The following TIMELESS variants were observed in gnomAD, a reference collection of about 807,000 sequenced individuals.
The protein encoded by TIMELESS is timeless circadian regulator.
A neutral mutation model predicts 164.3 loss-of-function variants in TIMELESS; 124 were observed. The observed-to-expected ratio is 0.75, with a 90% CI of 0.65 to 0.88. The LOEUF is 0.88. TIMELESS is among the 40% of genes least tolerant of loss of function. The pLI is 0.00. For missense variants in TIMELESS, 1,422 were observed against 1,491.4 expected (o/e 0.95, Z 0.77); for synonymous variants, 564 against 563.4 (o/e 1.00, Z -0.02).
Position 56,431,610 on chromosome 12 carries a change from T to G in TIMELESS, c.688-6A>C. ...CCCGCCAGCTGCTCGGGGTTCTAGA[T>G]TGGAACAAAGAGGGAAGAATCAGGA... On this transcript the variant is annotated splice_polypyrimidine_tract_variant and splice_region_variant and intron_variant, in intron 7 of 28. Transcript: ENST00000553532. 3 of 1,609,030 alleles carry G rather than the reference T, an allele frequency of 1.9e-6. No individual in the cohort carries two copies. Among genetic ancestry groups the G allele is most frequent in the Non-Finnish European group, 2.5e-6 (3 of 1,178,810 alleles).
chr12:56,448,320 C>G (rs1868415255), intron 1 of TIMELESS, among the ~76,000 whole-genome samples: 1 of 151,928 alleles, frequency 6.6e-6, no homozygotes. Flanking sequence ...GCAGGAGAAT[C>G]GCTTGAACTG....
Position 56,421,441 on chromosome 12 carries a change from T to G in TIMELESS, c.2778A>C (p.Arg926=), listed in dbSNP as rs368351433. 42 of 1,613,934 alleles carry G rather than the reference T, an allele frequency of 2.6e-5. No individual in the cohort carries two copies. In the East Asian group the frequency reaches 3.3e-4, roughly 13 times the overall value. Residue 926 remains arginine, a synonymous_variant, in exon 23 of 29, where the codon CGA becomes CGC. Transcript: ENST00000553532. The part of the protein sequence containing the change: ...KNITAKRSRA[R]IVDKLLALGL... ...CCAGAGCCAAGAGTTTATCCACTAT[T>G]CGGGCCCGTGAGCGTTTGGCTGTGA...
intron 26 of TIMELESS, among the ~76,000 whole-genome samples, chr12:56,420,365 T>C (rs1169145341): frequency 6.6e-6 from 1 of 151,844 alleles, no homozygotes; most frequent in Non-Finnish European, 1.5e-5. Flanking sequence ...AAGATGGATC[T>C]AGGGGAAGGG....
chr12:56,417,847 C>A (rs374286392), intron 28 of TIMELESS, 60 bp downstream of exon 28: 1 of 1,613,492 alleles, frequency 6.2e-7, no homozygotes, highest in South Asian at 1.1e-5. Flanking sequence ...GGGGTAAGGA[C>A]GTGGTAGAGT....
rs1041979545 is a variant in TIMELESS at position 56,430,230 on chromosome 12, G to A, written c.961C>T (p.Arg321Cys). ...LGKQPKKVPK[R>C]RQAARELSIQ... is the part of the protein sequence containing the mutation. ...GACAGCTCTCGGGCGGCCTGGCGAC[G>A]TTTAGGCACCTTTTTCGGCTGCTTT... Residue 321 changes from arginine (R) to cysteine (C), a missense_variant, in exon 10 of 29, where the codon CGT becomes TGT. Physicochemically the swap from Arg to Cys is radical, Grantham distance 180. Transcript: ENST00000553532. 1.1e-5 allele frequency: 17 copies of A among 1,613,858 alleles called. No homozygotes were observed. In the East Asian group the frequency reaches 1.3e-4, roughly 13 times the overall value.
intron 1 of TIMELESS, among the ~76,000 whole-genome samples, chr12:56,434,938 C>T (rs1217048112): frequency 2.0e-5 from 3 of 152,072 alleles, no homozygotes; most frequent in Non-Finnish European, 1.5e-5. Flanking sequence ...CTCGGGAGGC[C>T]GGCTGAGATG....
At position 56,420,029 on chromosome 12, in the gene TIMELESS, A is replaced by AT. The variant is rs1322497995; in HGVS notation, c.3228+539_3228+540insA. Among the ~76,000 whole-genome samples, 187 of 75,172 alleles carry AT rather than the reference A, an allele frequency of 2.5e-3. 2 individuals carry two copies. Among genetic ancestry groups the AT allele is most frequent in the African/African-American group, 0.01 (152 of 14,934 alleles). 49.3% of individuals were successfully genotyped at this position (75,172 alleles called of 152,430 possible). A position where few individuals can be genotyped will look rare whatever the true frequency, so the allele number is the denominator to read the frequency against. On this transcript the variant is annotated intron_variant, in intron 26 of 28. Transcript: ENST00000553532. ...CTCAAAAAAAAAAAAAAAAAAAAAA[A>AT]ATATATATATATATATATATGTGTG...
At chr12:56,426,839 C>A (rs1443478909) in intron 13 of TIMELESS, among the ~76,000 whole-genome samples, 2 of 152,164 alleles carry the variant, frequency 1.3e-5, no homozygotes, top group Non-Finnish European at 2.9e-5. Context: ...GGATTACAGG[C>A]ATGAGCCACC....
At chr12:56,430,661 C>A (rs1162847522) in intron 9 of TIMELESS, among the ~76,000 whole-genome samples, 1 of 152,030 alleles carries the variant, frequency 6.6e-6, no homozygotes, top group Non-Finnish European at 1.5e-5. Flanking sequence ...GCCATTGTAC[C>A]CAACCTTTAA....
chr12:56,432,861 A>T (rs1417861772), intron 6 of TIMELESS, among the ~76,000 whole-genome samples, 165 bp downstream of exon 6: 1 of 147,480 alleles, frequency 6.8e-6, no homozygotes, highest in Non-Finnish European at 1.5e-5. Flanking sequence ...AGGCTGAGGC[A>T]GGAGAATGGC....
At chr12:56,422,083 C>G in intron 20 of TIMELESS, 23 bp downstream of exon 20, 1 of 1,614,098 alleles carries the variant, frequency 6.2e-7, no homozygotes, top group Non-Finnish European at 8.5e-7. Context: ...CTCATAAACT[C>G]TCCAGATCCC....
At chr12:56,419,341 C>G (rs138165375) in intron 26 of TIMELESS, among the ~76,000 whole-genome samples, 3 of 152,184 alleles carry the variant, frequency 2.0e-5, no homozygotes, top group Admixed American at 6.5e-5. Context: ...ATCACAGCTG[C>G]AAAAGTGATT....
intron 1 of TIMELESS, among the ~76,000 whole-genome samples, chr12:56,447,645 C>T (rs1005519344): frequency 1.3e-5 from 2 of 152,158 alleles, no homozygotes; most frequent in African/African-American, 2.4e-5. Flanking sequence ...CTACTCATCT[C>T]TGTAAGCCTG....
intron 26 of TIMELESS, among the ~76,000 whole-genome samples, chr12:56,419,608 G>A (rs1483347682): frequency 6.6e-6 from 1 of 151,896 alleles, no homozygotes; most frequent in African/African-American, 2.4e-5. Flanking sequence ...TGGTGTGGCT[G>A]TGAGGCTGCA....
chr12:56,445,015 C>A (rs1451984526), intron 1 of TIMELESS, among the ~76,000 whole-genome samples: 2 of 151,718 alleles, frequency 1.3e-5, no homozygotes, highest in Admixed American at 1.3e-4. Flanking sequence ...CTCAAAGATA[C>A]CTTACACTCA....
Position 56,422,894 on chromosome 12 carries a change from T to C in TIMELESS, c.2391A>G (p.Thr797=), listed in dbSNP as rs1305353225. 1 of 1,547,072 alleles carries C rather than the reference T, an allele frequency of 6.5e-7. No individual in the cohort carries two copies. The highest frequency in any genetic ancestry group is 8.8e-7 in the Non-Finnish European group (1 of 1,137,008). ...AFVELLFWKN[T]AVVREMTEGY... is the part of the protein sequence containing the mutation. ...CCTCAGTCATCTCTCGAACCACAGC[T>C]GTGTTCTTCCAGAACAACAGCTCCA... The change falls in exon 19 of 29, where the codon ACA becomes ACG. Residue 797 remains threonine (T), a synonymous_variant. Transcript: ENST00000553532.
intron 10 of TIMELESS, among the ~76,000 whole-genome samples, chr12:56,429,497 C>CT (rs35987061): frequency 1.4e-3 from 68 of 50,058 alleles, no homozygotes; most frequent in African/African-American, 4.0e-3. Context: ...TGCGCCTGGT[C>CT]TTTTTTTTTT....
chr12:56,428,984 C>T lies in TIMELESS; in HGVS notation c.1203G>A (p.Glu401=). The change falls in exon 11 of 29, where the codon GAG becomes GAA. Residue 401 remains glutamate (E), a synonymous_variant. Transcript: ENST00000553532. Reference sequence around the variant, plus strand: ...AGTGGAAGGTACGGACACTGAGGGTCTCAGAAACCAGGCCTGGCCGGAAGG... The same window carrying T: ...AGTGGAAGGTACGGACACTGAGGGTTTCAGAAACCAGGCCTGGCCGGAAGG... The part of the protein sequence containing the change: ...AASFRPGLVS[E]TLSVRTFHFI... 6.2e-7 allele frequency: 1 copy of T among 1,614,148 alleles called. No homozygotes were observed. The highest frequency in any genetic ancestry group is 1.1e-5 in the South Asian group (1 of 91,084).
rs1565688348 is a variant in TIMELESS at position 56,440,448 on chromosome 12, C to CT, written c.-61-6218dup. Among the ~76,000 whole-genome samples, 3 of 152,044 alleles carry CT rather than the reference C, an allele frequency of 2.0e-5. No homozygotes were observed. The South Asian group carries it at 6.2e-4, about 32-fold the overall frequency. ...CACTGCGCCCGACCAAATAAACTTA[C>CT]TTTTTGAAGACGAAACAAAACACTC... On this transcript the variant is annotated intron_variant, in intron 1 of 28. Transcript: ENST00000553532.
Sources: allele counts gnomAD v4.1 joint callset (sites outside exome capture counted in the v4.1 genomes callset), GRCh38; gene constraint gnomAD v4.1.1; transcripts MANE v1.5; gene names NCBI Gene and HGNC (gene_info 2026-07-23, HGNC 2026-07-21).